KCND2: variants seen among roughly 807,000 people sequenced by gnomAD.
The protein encoded by KCND2 is A-type voltage-gated potassium channel KCND2.
KCND2 carries 16 observed loss-of-function variants against 54.4 expected under a neutral mutation model. The ratio of observed to expected loss-of-function variants is 0.29; its 90% CI spans 0.20 to 0.45. The LOEUF (loss-of-function observed/expected upper bound fraction) is 0.45, where lower values mean the gene tolerates loss of function less well. Ranked by LOEUF, KCND2 falls within the 20% of genes least tolerant of loss-of-function variation. KCND2 has a pLI of 1.00. For synonymous variants in KCND2, 317 were observed against 310.7 expected, an observed-to-expected ratio of 1.02 and a Z score of -0.21; for missense variants, 486 against 824.2, an observed-to-expected ratio of 0.59 and a Z score of 5.02.
intron 1 of KCND2, among the ~76,000 whole-genome samples, chr7:120,356,107 G>A (rs1346232583): frequency 6.6e-6 from 1 of 152,110 alleles, no homozygotes; most frequent in African/African-American, 2.4e-5. Context: ...AACCAGTCTC[G>A]ATGGGAGTAT....
intron 1 of KCND2, among the ~76,000 whole-genome samples, chr7:120,702,376 G>A (rs1172408681): frequency 2.6e-5 from 4 of 152,178 alleles, no homozygotes; most frequent in African/African-American, 9.7e-5. Context: ...GTGGAATGCA[G>A]TGTGGTGATT....
chr7:120,658,810 G>A (rs913887328), intron 1 of KCND2, among the ~76,000 whole-genome samples: 1 of 152,112 alleles, frequency 6.6e-6, no homozygotes, highest in Non-Finnish European at 1.5e-5. Context: ...TCAGTACAAT[G>A]CATTAATTGA....
In KCND2 at chr7:120,274,705, G is replaced by C. The variant is rs201569734; in HGVS notation, c.73G>C (p.Gly25Arg). 7 of 1,613,762 alleles carry C rather than the reference G, an allele frequency of 4.3e-6. No individual in the cohort carries two copies. Among genetic ancestry groups the C allele is most frequent in the African/African-American group, 1.3e-5 (1 of 74,872 alleles). The change falls in exon 1 of 6, where the codon GGG (glycine) becomes CGG (arginine). Residue 25 changes from glycine (G) to arginine (R), a missense_variant. Physicochemically the swap from Gly to Arg is moderately radical, Grantham distance 125 (BLOSUM62 -2). Coordinates refer to ENST00000331113, the MANE Select transcript of KCND2 (RefSeq NM_012281.3). ...TATCGGGTGGATGCCTGTGGCCTCG[G>C]GGCCTATGCCGGCTCCCCCGAGGCA... ...AAIGWMPVAS[G>R]PMPAPPRQER... is the part of the protein sequence containing the mutation.
At chr7:120,697,635 G>T (rs932163085) in intron 1 of KCND2, among the ~76,000 whole-genome samples, 8 of 152,332 alleles carry the variant, frequency 5.3e-5, no homozygotes, top group African/African-American at 1.9e-4. Flanking sequence ...TAGGGAAGCA[G>T]TAAGTTTACC....
intron 1 of KCND2, among the ~76,000 whole-genome samples, chr7:120,656,979 A>G (rs1460421157): frequency 6.6e-6 from 1 of 152,204 alleles, no homozygotes; most frequent in Non-Finnish European, 1.5e-5. Flanking sequence ...ACACATGCAA[A>G]TACAGCAAAC....
chr7:120,489,352 T>C lies in KCND2; in HGVS notation c.1115+213605T>C, dbSNP rs546757419. Among the ~76,000 whole-genome samples, 6 of 152,046 alleles carry C rather than the reference T, an allele frequency of 3.9e-5. No homozygotes were observed. The South Asian group carries it at 1.2e-3, about 32-fold the overall frequency. On this transcript the variant is annotated intron_variant, in intron 1 of 5. Coordinates refer to ENST00000331113, the MANE Select transcript of KCND2 (RefSeq NM_012281.3). ...TGTAATACATATACAATATACAAAT[T>C]TAAAAATTAATACATTTAATAGAAA...
rs773850675 is a variant in KCND2 at position 120,745,952 on chromosome 7, G to A, written c.1640G>A (p.Gly547Glu). ...TFRIPNANVSGSHQGSIQELS... is the reference protein window; with the variant it reads ...TFRIPNANVSESHQGSIQELS... ...CGCATCCCAAATGCCAATGTATCAG[G>A]AAGCCATCAAGGTAGTATACAAGAA... The change falls in exon 5 of 6, where the codon GGA becomes GAA. Residue 547 changes from glycine (G) to glutamate (E), a missense_variant. This residue lies in a region of KCND2 where 202 missense variants were observed against 252.7 expected (regional missense o/e 0.80). Transcript: ENST00000331113. 6.2e-7 allele frequency: 1 copy of A among 1,613,836 alleles called. No homozygotes were observed. Among genetic ancestry groups the A allele is most frequent in the Admixed American group, 1.7e-5 (1 of 59,990 alleles).
chr7:120,689,002 T>C (rs2116600418), intron 1 of KCND2, among the ~76,000 whole-genome samples: 1 of 152,254 alleles, frequency 6.6e-6, no homozygotes, highest in East Asian at 1.9e-4. Context: ...CTCCACATAC[T>C]CAATTCTCTC....
intron 1 of KCND2, among the ~76,000 whole-genome samples, chr7:120,620,997 G>A (rs1469365730): frequency 3.9e-5 from 6 of 151,962 alleles, no homozygotes; most frequent in African/African-American, 1.2e-4. Context: ...CATATGGGTC[G>A]GGCATGGTGG....
At chr7:120,495,341 A>G (rs1340185892) in intron 1 of KCND2, among the ~76,000 whole-genome samples, 1 of 132,076 alleles carries the variant, frequency 7.6e-6, no homozygotes, top group Non-Finnish European at 1.5e-5. Flanking sequence ...TAGAATGACA[A>G]CTTTTTTTTT....
chr7:120,424,766 A>G (rs1188523912), intron 1 of KCND2, among the ~76,000 whole-genome samples: 1 of 152,224 alleles, frequency 6.6e-6, no homozygotes, highest in Non-Finnish European at 1.5e-5. Flanking sequence ...CATAAAAACT[A>G]ATGAAGTTAC....
At chr7:120,619,254 A>T (rs1206366723) in intron 1 of KCND2, among the ~76,000 whole-genome samples, 3 of 151,972 alleles carry the variant, frequency 2.0e-5, no homozygotes, top group Non-Finnish European at 4.4e-5. Context: ...ACATGGCAAA[A>T]CTCCATCTCT....
chr7:120,644,529 G>A (rs939578134), intron 1 of KCND2, among the ~76,000 whole-genome samples: 38 of 152,068 alleles, frequency 2.5e-4, no homozygotes, highest in African/African-American at 9.2e-4. Context: ...GTTCCATTAT[G>A]AAATATAGCA....
chr7:120,665,675 G>T (rs1248246033), intron 1 of KCND2, among the ~76,000 whole-genome samples: 1 of 152,012 alleles, frequency 6.6e-6, no homozygotes, highest in Non-Finnish European at 1.5e-5. Context: ...CAATCTAAAA[G>T]AAATTGTTAA....
chr7:120,357,976 CA>C (rs1800531381), intron 1 of KCND2, among the ~76,000 whole-genome samples: 1 of 152,106 alleles, frequency 6.6e-6, no homozygotes, highest in Non-Finnish European at 1.5e-5. Flanking sequence ...CTGTAATTGA[CA>C]GCAAGTATAA....
At chr7:120,625,791 A>G (rs1793157142) in intron 1 of KCND2, among the ~76,000 whole-genome samples, 1 of 152,120 alleles carries the variant, frequency 6.6e-6, no homozygotes, top group Non-Finnish European at 1.5e-5. Flanking sequence ...AAAAAGAACA[A>G]TAATAAGAAA....
At chr7:120,667,351 A>G (rs963855228) in intron 1 of KCND2, among the ~76,000 whole-genome samples, 2 of 152,094 alleles carry the variant, frequency 1.3e-5, no homozygotes, top group Admixed American at 1.3e-4. Flanking sequence ...TTCTGTACAC[A>G]GCTTCAAAGT....
At chr7:120,579,641 TAAA>T (rs1792489291) in intron 1 of KCND2, among the ~76,000 whole-genome samples, 5 of 120,054 alleles carry the variant, frequency 4.2e-5, no homozygotes, top group African/African-American at 6.7e-5. Flanking sequence ...AATAAATAAA[TAAA>T]TAAAATAAAA....
intron 1 of KCND2, among the ~76,000 whole-genome samples, chr7:120,554,553 C>T (rs541137668): frequency 4.2e-4 from 64 of 152,132 alleles, no homozygotes; most frequent in Non-Finnish European, 7.4e-4. Flanking sequence ...GGACTACAGG[C>T]GCCCGCCACC....
Sources: gnomAD v4.1 joint callset for allele counts (sites outside exome capture counted in the v4.1 genomes callset) on GRCh38, gnomAD v4.1.1 for gene constraint, gnomAD v4.1.1 regional missense constraint, MANE v1.5 for transcripts, NCBI Gene and HGNC (gene_info 2026-07-23, HGNC 2026-07-21) for gene names.